MAP7: variants seen among roughly 807,000 people sequenced by gnomAD.
MAP7 encodes the protein microtubule associated protein 7, also known as ensconsin.
Under a neutral mutation model 94.8 loss-of-function variants are expected in MAP7, and 52 were observed. The ratio of observed to expected loss-of-function variants is 0.55; its 90% CI spans 0.44 to 0.69. The LOEUF is 0.69. Among genes scored for constraint, MAP7 ranks in the 30% least tolerant of loss-of-function variants. The probability of loss-of-function intolerance (pLI) is 0.00; values close to 1 mark genes in which losing one functional copy is unlikely to be tolerated. For missense variants in MAP7, 940 were observed against 964.6 expected (o/e 0.97, Z 0.34); for synonymous variants, 350 against 357.0 (o/e 0.98, Z 0.22).
rs1478723106 is a variant in MAP7 at position 136,550,152 on chromosome 6, C to A, written c.67+190G>T. Among the ~76,000 whole-genome samples the A allele has an allele frequency of 4.0e-5, 6 of 150,840 alleles. No homozygotes were observed. Among genetic ancestry groups the A allele is most frequent in the Non-Finnish European group, 7.4e-5 (5 of 67,596 alleles). On this transcript the variant is annotated intron_variant, in intron 1 of 17. Transcript: ENST00000354570. The surrounding 1 kb of genome is among the most constrained non-coding windows in gnomAD (Gnocchi z 5.1). ...CGGGGCCGAGCCGGGCTGGCCGAGC[C>A]GCGGCGGCGAAGGGCGGGGGAAGGC...
At chr6:136,464,525 T>C (rs532030326) in intron 1 of MAP7, among the ~76,000 whole-genome samples, 99 of 152,370 alleles carry the variant, frequency 6.5e-4, no homozygotes, top group African/African-American at 2.3e-3. Flanking sequence ...TGGGTATATA[T>C]GCCTAGAAAA....
intron 1 of MAP7, among the ~76,000 whole-genome samples, chr6:136,445,332 C>T (rs1209626974): frequency 6.6e-6 from 1 of 152,170 alleles, no homozygotes; most frequent in African/African-American, 2.4e-5. Flanking sequence ...TTATCTTCCA[C>T]TAGCTTTACA....
intron 1 of MAP7, among the ~76,000 whole-genome samples, chr6:136,512,938 C>T (rs1823697001): frequency 6.6e-6 from 1 of 151,888 alleles, no homozygotes; most frequent in African/African-American, 2.4e-5. Flanking sequence ...CTCAAGCAAT[C>T]CTTCTGCATC....
intron 11 of MAP7, 119 bp downstream of exon 11, chr6:136,362,331 C>T (rs183075089): frequency 7.7e-7 from 1 of 1,299,060 alleles, no homozygotes; most frequent in Non-Finnish European, 1.1e-6. Context: ...TAAGAGTAAT[C>T]CTGAAAGAAC....
intron 1 of MAP7, among the ~76,000 whole-genome samples, chr6:136,442,279 C>A (rs1264233724): frequency 2.0e-5 from 3 of 151,538 alleles, no homozygotes; most frequent in Admixed American, 1.3e-4. Flanking sequence ...GTGGTGCATG[C>A]CTGTAACCCC....
At chr6:136,495,230 T>C (rs1817833032) in intron 1 of MAP7, among the ~76,000 whole-genome samples, 1 of 152,168 alleles carries the variant, frequency 6.6e-6, no homozygotes, top group Admixed American at 6.5e-5. Flanking sequence ...TTTAAGTCCA[T>C]TATCTAACTT....
chr6:136,368,123 C>T (rs1646278585), intron 8 of MAP7, among the ~76,000 whole-genome samples: 2 of 152,054 alleles, frequency 1.3e-5, no homozygotes, highest in South Asian at 4.2e-4. Flanking sequence ...CTCCTTTAAT[C>T]ACCTAGGGGT....
At chr6:136,482,502 G>A (rs1388779974) in intron 1 of MAP7, among the ~76,000 whole-genome samples, 3 of 152,022 alleles carry the variant, frequency 2.0e-5, no homozygotes, top group Non-Finnish European at 2.9e-5. Flanking sequence ...TCGGGAGGCT[G>A]AGGCAGGAGA....
chr6:136,473,436 T>C (rs891463337), intron 1 of MAP7, among the ~76,000 whole-genome samples: 3 of 152,226 alleles, frequency 2.0e-5, no homozygotes, highest in African/African-American at 7.2e-5. Flanking sequence ...TATTTTAGTA[T>C]CTGTTCTTGT....
intron 1 of MAP7, among the ~76,000 whole-genome samples, chr6:136,493,723 A>G (rs1817401402): frequency 6.6e-6 from 1 of 152,198 alleles, no homozygotes; most frequent in South Asian, 2.1e-4. Flanking sequence ...CCATACCGAG[A>G]GCATTGTATC....
At position 136,366,355 on chromosome 6, in the gene MAP7, C is replaced by G. The variant is rs1305383252; in HGVS notation, c.961G>C (p.Ala321Pro). The change falls in exon 9 of 18, where the codon GCA (alanine) becomes CCA (proline). Residue 321 changes from alanine to proline, a missense_variant. Coordinates refer to ENST00000354570, the MANE Select transcript of MAP7 (RefSeq NM_003980.6). ...RRAVSPSNPK[A>P]RQPARSRLWL... Reference sequence around the variant, plus strand: ...AGTCGGGAGCGAGCTGGTTGTCTTGCTTTGGGATTAGATGGAGATACAGCC... The same window carrying G: ...AGTCGGGAGCGAGCTGGTTGTCTTGGTTTGGGATTAGATGGAGATACAGCC... 5 of 1,614,142 alleles carry G rather than the reference C, an allele frequency of 3.1e-6. No homozygotes were observed. The highest frequency in any genetic ancestry group is 4.2e-6 in the Non-Finnish European group (5 of 1,180,002).
At chr6:136,431,400 C>G (rs899522678) in intron 1 of MAP7, among the ~76,000 whole-genome samples, 2 of 152,112 alleles carry the variant, frequency 1.3e-5, no homozygotes, top group African/African-American at 2.4e-5. Flanking sequence ...TAACATTTCT[C>G]TCTTGGAAAT....
At chr6:136,492,220 A>G (rs780475147) in intron 1 of MAP7, among the ~76,000 whole-genome samples, 2 of 152,216 alleles carry the variant, frequency 1.3e-5, no homozygotes, top group Non-Finnish European at 2.9e-5. Flanking sequence ...GACATTATGG[A>G]ATATATATAC....
At chr6:136,377,660 A>T in intron 7 of MAP7, 95 bp downstream of exon 7, 1 of 868,516 alleles carries the variant, frequency 1.2e-6, no homozygotes, top group Non-Finnish European at 1.9e-6. Flanking sequence ...GGAAGAGAGA[A>T]GCGCATTTTA....
At chr6:136,349,516 G>A (rs1788568435) in intron 16 of MAP7, among the ~76,000 whole-genome samples, 1 of 152,146 alleles carries the variant, frequency 6.6e-6, no homozygotes, top group South Asian at 2.1e-4. Context: ...TGGGACTACA[G>A]ATGCATGCCA....
intron 1 of MAP7, among the ~76,000 whole-genome samples, chr6:136,422,441 C>G (rs1791677031): frequency 6.6e-6 from 1 of 152,140 alleles, no homozygotes; most frequent in South Asian, 2.1e-4. Flanking sequence ...ATCAATTAAA[C>G]AGGAGTTCTG....
At chr6:136,468,142 A>AG (rs1337791515) in intron 1 of MAP7, among the ~76,000 whole-genome samples, 1 of 152,162 alleles carries the variant, frequency 6.6e-6, no homozygotes, top group Non-Finnish European at 1.5e-5. Flanking sequence ...TAGCCTATAT[A>AG]GACATGGGCA....
chr6:136,449,116 G>A (rs1476256812), intron 1 of MAP7, among the ~76,000 whole-genome samples: 4 of 152,018 alleles, frequency 2.6e-5, no homozygotes, highest in African/African-American at 9.6e-5. Context: ...AGACCACGGT[G>A]AAACCCCATC....
intron 1 of MAP7, among the ~76,000 whole-genome samples, chr6:136,518,510 G>C (rs984878021): frequency 2.6e-5 from 4 of 152,050 alleles, no homozygotes; most frequent in Non-Finnish European, 4.4e-5. Flanking sequence ...GGTATAATGG[G>C]GTATGACTTA....
Sources: gnomAD v4.1 joint callset for allele counts (sites outside exome capture counted in the v4.1 genomes callset) on GRCh38, gnomAD v4.1.1 for gene constraint, Gnocchi (gnomAD v3.1) non-coding constraint, MANE v1.5 for transcripts, NCBI Gene and HGNC (gene_info 2026-07-23, HGNC 2026-07-21) for gene names.